IGF1: variants seen among roughly 807,000 people sequenced by gnomAD.
The protein encoded by IGF1 is insulin-like growth factor 1.
IGF1 carries 4 observed loss-of-function variants against 13.8 expected under a neutral mutation model. The observed-to-expected ratio is 0.29, with a 90% CI of 0.14 to 0.66. The LOEUF (loss-of-function observed/expected upper bound fraction) is 0.66. Ranked by LOEUF, IGF1 falls within the 30% of genes least tolerant of loss-of-function variation. IGF1 has a pLI of 0.78. For synonymous variants in IGF1, 76 were observed against 72.6 expected (o/e 1.05, Z -0.23); for missense variants, 124 against 188.5 (o/e 0.66, Z 2.00).
At chr12:102,419,366 G>T (rs1394614033) in intron 3 of IGF1, 143 bp downstream of exon 3, 2 of 718,402 alleles carry the variant, frequency 2.8e-6, no homozygotes, top group East Asian at 2.7e-5. Flanking sequence ...AAGAGATGGG[G>T]ATGTAATCCA....
chr12:102,459,477 T>C (rs775894205), intron 2 of IGF1, among the ~76,000 whole-genome samples: 1 of 151,600 alleles, frequency 6.6e-6, no homozygotes, highest in Non-Finnish European at 1.5e-5. Context: ...GGAAGGATCT[T>C]CCAGTAAATA....
In IGF1 at chr12:102,396,864, A is replaced by C. The variant is rs1873233047; in HGVS notation, c.*5643T>G. The C allele has an allele frequency of 1.0e-5, 4 of 397,820 alleles. No homozygotes were observed. The highest frequency in any genetic ancestry group is 1.8e-5 in the Non-Finnish European group (4 of 225,868). The allele number at this position is 397,820 out of a possible 1,614,324, so 24.6% of individuals were successfully genotyped here. On this transcript the variant is annotated 3_prime_UTR_variant, in exon 4 of 4. Coordinates refer to ENST00000337514, the MANE Select transcript of IGF1 (RefSeq NM_000618.5). The stretch of plus-strand genomic sequence containing the variant: ...CCCCATCAAAGATAGTTGAAGAATG[A>C]GGAGAGAAGGATCATGTTTAAGATC...
At chr12:102,410,173 C>G (rs1247574492) in intron 3 of IGF1, among the ~76,000 whole-genome samples, 1 of 152,060 alleles carries the variant, frequency 6.6e-6, no homozygotes, top group African/African-American at 2.4e-5. Context: ...AAATCTCTAT[C>G]AAAATGGTTT....
At chr12:102,475,872 G>A (rs1880995086) in intron 1 of IGF1, 73 bp from the exon 2 acceptor site, 1 of 1,450,746 alleles carries the variant, frequency 6.9e-7, no homozygotes. Flanking sequence ...GGACAGAAGT[G>A]CATTGACTCC....
intron 3 of IGF1, among the ~76,000 whole-genome samples, chr12:102,409,600 T>C (rs1281475157): frequency 2.0e-5 from 3 of 152,160 alleles, no homozygotes; most frequent in African/African-American, 4.8e-5. Context: ...AGATTGTATA[T>C]GGTAAATATC....
intron 3 of IGF1, chr12:102,417,638 G>A (rs1223059266): frequency 9.8e-6 from 13 of 1,325,720 alleles, no homozygotes; most frequent in East Asian, 6.0e-5. Flanking sequence ...TTTCTTTTCC[G>A]TTTTCTCCAT....
chr12:102,422,428 A>G (rs927215616), intron 2 of IGF1, among the ~76,000 whole-genome samples: 2 of 152,174 alleles, frequency 1.3e-5, no homozygotes, highest in Non-Finnish European at 2.9e-5. Flanking sequence ...TTGAAGTTTA[A>G]TTCATCTTTT....
rs148036147 is a variant in IGF1 at position 102,407,741 on chromosome 12, C to T, written c.403-5175G>A. Among the ~76,000 whole-genome samples the T allele has an allele frequency of 2.1e-3, 313 of 152,168 alleles. 1 individual carries two copies. The highest frequency in any genetic ancestry group is 7.1e-3 in the African/African-American group (294 of 41,500). On this transcript the variant is annotated intron_variant, in intron 3 of 3. Transcript: ENST00000337514. The stretch of plus-strand genomic sequence containing the variant: ...TGCTAGTTTGGAGGGAAAGGCTGTG[C>T]CATGGGACAGAAGACTCAATGAGGA...
intron 2 of IGF1, among the ~76,000 whole-genome samples, chr12:102,454,227 T>G (rs547612952): frequency 2.0e-5 from 3 of 152,320 alleles, no homozygotes; most frequent in African/African-American, 7.2e-5. Context: ...ACACATGATG[T>G]GACTTCCAGA....
intron 1 of IGF1, among the ~76,000 whole-genome samples, chr12:102,479,279 G>A (rs929460583): frequency 5.9e-5 from 9 of 152,310 alleles, no homozygotes; most frequent in South Asian, 2.1e-4. Context: ...AGGGAAAGTC[G>A]TAGTGGTGAA....
At chr12:102,442,884 G>A (rs1418363684) in intron 2 of IGF1, among the ~76,000 whole-genome samples, 1 of 152,100 alleles carries the variant, frequency 6.6e-6, no homozygotes, top group Admixed American at 6.6e-5. Flanking sequence ...TACCATATAT[G>A]CCAGGCACTG....
intron 2 of IGF1, among the ~76,000 whole-genome samples, chr12:102,471,186 G>A (rs969259357): frequency 6.6e-6 from 1 of 152,162 alleles, no homozygotes; most frequent in Non-Finnish European, 1.5e-5. Flanking sequence ...CAGAAACTAT[G>A]TAAATAAGAT....
chr12:102,467,270 A>T (rs967093565), intron 2 of IGF1, among the ~76,000 whole-genome samples: 2 of 152,222 alleles, frequency 1.3e-5, no homozygotes, highest in African/African-American at 4.8e-5. Context: ...CATAAAGACC[A>T]GAGATGAAAG....
At chr12:102,443,349 A>G (rs771497138) in intron 2 of IGF1, among the ~76,000 whole-genome samples, 1 of 152,168 alleles carries the variant, frequency 6.6e-6, no homozygotes, top group South Asian at 2.1e-4. Context: ...CTATCTTCCT[A>G]TTGGCTAGAG....
chr12:102,430,800 C>T (rs1464521398), intron 2 of IGF1, among the ~76,000 whole-genome samples: 1 of 152,198 alleles, frequency 6.6e-6, no homozygotes, highest in Non-Finnish European at 1.5e-5. Flanking sequence ...GTCTTCTCAT[C>T]GAGCCAGTGC....
chr12:102,436,992 C>G lies in IGF1; in HGVS notation c.221-17302G>C, dbSNP rs540880263. 2.5e-4 allele frequency among the ~76,000 whole-genome samples: 38 copies of G among 152,360 alleles called. No individual in the cohort carries two copies. The Middle Eastern group carries it at 0.014, about 55-fold the overall frequency. On this transcript the variant is annotated intron_variant, in intron 2 of 3. Coordinates refer to ENST00000337514, the MANE Select transcript of IGF1 (RefSeq NM_000618.5). ...CTGCTGGCTTCCCAATTAGAGCATT[C>G]CTCCAGGCCCCTGTTTCCATTTTCC...
intron 2 of IGF1, 99 bp downstream of exon 2, chr12:102,475,544 G>T: frequency 1.5e-6 from 2 of 1,339,908 alleles, no homozygotes; most frequent in Non-Finnish European, 2.1e-6. Context: ...TGCCAGATAC[G>T]GGCACTCATT....
chr12:102,429,284 T>C (rs1424076922), intron 2 of IGF1, among the ~76,000 whole-genome samples: 1 of 152,176 alleles, frequency 6.6e-6, no homozygotes, highest in Non-Finnish European at 1.5e-5. Context: ...CTTTTATTCT[T>C]AATATATTAT....
At chr12:102,411,033 A>G (rs1388521998) in intron 3 of IGF1, among the ~76,000 whole-genome samples, 1 of 152,232 alleles carries the variant, frequency 6.6e-6, no homozygotes, top group Non-Finnish European at 1.5e-5. Context: ...GAATTGTGGC[A>G]TTGTGCCAAA....
Sources: gnomAD v4.1 joint callset for allele counts (sites outside exome capture counted in the v4.1 genomes callset) on GRCh38, gnomAD v4.1.1 for gene constraint, MANE v1.5 for transcripts, NCBI Gene and HGNC (gene_info 2026-07-23, HGNC 2026-07-21) for gene names.